The following SAMD12 variants were observed in gnomAD, a reference collection of about 807,000 sequenced individuals.
The protein encoded by SAMD12 is sterile alpha motif domain-containing protein 12.
A neutral mutation model predicts 15.0 loss-of-function variants in SAMD12; 9 were observed. The ratio of observed to expected loss-of-function variants is 0.60; its 90% CI spans 0.36 to 1.05. SAMD12 has a LOEUF of 1.05. Among genes scored for constraint, SAMD12 ranks in the 50% least tolerant of loss-of-function variants. The pLI is 0.01. For synonymous variants in SAMD12, 86 were observed against 90.1 expected (o/e 0.96, Z 0.25); for missense variants, 230 against 234.2 (o/e 0.98, Z 0.12).
chr8:118,164,441 G>A, the SAMD12 span, among the ~76,000 whole-genome samples: 1 of 152,176 alleles, frequency 6.6e-6, no homozygotes. Context: ...TCTCCAGCCT[G>A]CAGGGGGTCA....
intron 4 of SAMD12, among the ~76,000 whole-genome samples, chr8:118,368,169 C>A (rs1039847535): frequency 6.6e-6 from 1 of 151,966 alleles, no homozygotes; most frequent in Non-Finnish European, 1.5e-5. Flanking sequence ...TGCAAGGGTG[C>A]GAAGATTTTG....
chr8:118,309,354 GGT>G (rs201381126), intron 4 of SAMD12, among the ~76,000 whole-genome samples: 3,268 of 150,332 alleles, frequency 0.022, 49 homozygotes, highest in Non-Finnish European at 0.037. Context: ...AGTATTCAAT[GGT>G]GTATATATAT....
chr8:118,402,234 G>C (rs971381592), intron 3 of SAMD12, among the ~76,000 whole-genome samples: 13 of 152,170 alleles, frequency 8.5e-5, no homozygotes, highest in African/African-American at 3.1e-4. Context: ...CAAAGAAAGT[G>C]CATGCATTTG....
At chr8:118,449,023 T>G (rs1486818455) in intron 2 of SAMD12, among the ~76,000 whole-genome samples, 1 of 151,942 alleles carries the variant, frequency 6.6e-6, no homozygotes. Context: ...CAAGCCTGGC[T>G]TGGGGAAGCA....
At chr8:118,588,461 G>GA (rs1463352221) in intron 1 of SAMD12, among the ~76,000 whole-genome samples, 42 of 152,120 alleles carry the variant, frequency 2.8e-4, no homozygotes, top group Admixed American at 2.0e-3. Context: ...AAAGTGATTG[G>GA]AAAAAAACAT....
At chr8:118,411,970 A>G (rs1282842665) in intron 3 of SAMD12, among the ~76,000 whole-genome samples, 1 of 152,218 alleles carries the variant, frequency 6.6e-6, no homozygotes, top group Non-Finnish European at 1.5e-5. Flanking sequence ...TAAGGATTTT[A>G]TATATTTTTA....
At chr8:118,521,002 T>G (rs1376481892) in intron 2 of SAMD12, among the ~76,000 whole-genome samples, 1 of 152,182 alleles carries the variant, frequency 6.6e-6, no homozygotes, top group Non-Finnish European at 1.5e-5. Context: ...TTGGACTCTG[T>G]GTCGATTTAC....
intron 4 of SAMD12, among the ~76,000 whole-genome samples, chr8:118,345,892 TA>T (rs1431829453): frequency 2.0e-5 from 3 of 151,990 alleles, no homozygotes; most frequent in Admixed American, 6.6e-5. Flanking sequence ...GGAAAACACA[TA>T]AAAGGAAGAC....
At chr8:118,336,980 G>A (rs1186439948) in intron 4 of SAMD12, among the ~76,000 whole-genome samples, 1 of 152,100 alleles carries the variant, frequency 6.6e-6, no homozygotes, top group Non-Finnish European at 1.5e-5. Flanking sequence ...TTGGACACAG[G>A]GTGGGGAACA....
chr8:118,261,406 C>T (rs996234696), intron 4 of SAMD12, among the ~76,000 whole-genome samples: 27 of 152,052 alleles, frequency 1.8e-4, no homozygotes, highest in African/African-American at 5.8e-4. Flanking sequence ...TCTGAGGATA[C>T]ACATAATGAC....
chr8:118,306,009 C>T (rs1815332004), intron 4 of SAMD12, among the ~76,000 whole-genome samples: 1 of 152,200 alleles, frequency 6.6e-6, no homozygotes, highest in Non-Finnish European at 1.5e-5. Flanking sequence ...CAAGTTCTGC[C>T]AGGCAGCCTG....
chr8:118,412,936 T>C (rs1821484839), intron 3 of SAMD12, among the ~76,000 whole-genome samples: 1 of 152,116 alleles, frequency 6.6e-6, no homozygotes, highest in Non-Finnish European at 1.5e-5. Flanking sequence ...AATGGAATGC[T>C]AGCAAATGTG....
Position 118,394,267 on chromosome 8 carries a change from C to G in SAMD12, c.323-14567G>C, listed in dbSNP as rs555496418. Among the ~76,000 whole-genome samples, 8 of 152,334 alleles carry G rather than the reference C, an allele frequency of 5.3e-5. No individual in the cohort carries two copies. In the South Asian group the frequency reaches 1.7e-3, roughly 32 times the overall value. On this transcript the variant is annotated intron_variant, in intron 3 of 3. Coordinates refer to ENST00000314727, the MANE Select transcript of SAMD12 (RefSeq NM_207506.3). ...TCCATTATCCACATCTCTACACATG[C>G]TCAGCCTTCAAATATCTTTCCTCCC... is the stretch of plus-strand genomic sequence containing the variant.
chr8:118,342,536 T>C (rs570600195), intron 4 of SAMD12, among the ~76,000 whole-genome samples: 7 of 152,270 alleles, frequency 4.6e-5, no homozygotes, highest in East Asian at 1.9e-4. Flanking sequence ...CGATAAAGAA[T>C]ATAGTGAGTT....
intron 4 of SAMD12, among the ~76,000 whole-genome samples, chr8:118,229,517 T>A (rs1812261509): frequency 6.6e-6 from 1 of 152,132 alleles, no homozygotes; most frequent in South Asian, 2.1e-4. Context: ...CTTCTCTCCT[T>A]CTCCTTTCTA....
At chr8:118,568,807 T>C (rs1826924149) in intron 2 of SAMD12, among the ~76,000 whole-genome samples, 1 of 152,178 alleles carries the variant, frequency 6.6e-6, no homozygotes, top group South Asian at 2.1e-4. Context: ...CAGAGCTTGA[T>C]AAAAGCGTAT....
chr8:118,212,592 C>T (rs1259987912), intron 4 of SAMD12, among the ~76,000 whole-genome samples: 4 of 152,118 alleles, frequency 2.6e-5, no homozygotes, highest in African/African-American at 7.2e-5. Flanking sequence ...TGCTGCTTTG[C>T]AAAAATATAT....
At chr8:118,406,995 T>C (rs1462619125) in intron 3 of SAMD12, among the ~76,000 whole-genome samples, 2 of 151,900 alleles carry the variant, frequency 1.3e-5, no homozygotes, top group Non-Finnish European at 2.9e-5. Context: ...ATTGTGAATA[T>C]TGCTGCAATA....
chr8:118,152,450 C>T, the SAMD12 span, among the ~76,000 whole-genome samples: 2,388 of 106,436 alleles, frequency 0.022, 71 homozygotes, highest in African/African-American at 0.081. Context: ...CTTCCTCCCT[C>T]CCTCCCTACC....
Sources: allele counts gnomAD v4.1 joint callset (sites outside exome capture counted in the v4.1 genomes callset), GRCh38; gene constraint gnomAD v4.1.1; transcripts MANE v1.5; gene names NCBI Gene and HGNC (gene_info 2026-07-23, HGNC 2026-07-21).